Variants in PCDHGA6 observed in about 807,000 individuals in gnomAD.
PCDHGA6 encodes the protein protocadherin gamma-A6.
A neutral mutation model predicts 60.6 loss-of-function variants in PCDHGA6; 41 were observed. That is an observed-to-expected ratio of 0.68 (90% CI 0.53 to 0.88). PCDHGA6 has a LOEUF of 0.88. PCDHGA6 is among the 40% of genes least tolerant of loss of function. The pLI is 0.00. For missense variants in PCDHGA6, 1,312 were observed against 1,203.0 expected (o/e 1.09, Z -1.34); for synonymous variants, 594 against 524.4 (o/e 1.13, Z -1.81).
chr5:141,453,784 G>T (rs767312144), intron 1 of PCDHGA6, among the ~76,000 whole-genome samples: 47 of 152,298 alleles, frequency 3.1e-4, no homozygotes, highest in Non-Finnish European at 5.6e-4. Flanking sequence ...AGTTACCATG[G>T]TATATTAACT....
rs1342517284 is a variant in PCDHGA6 at position 141,383,674 on chromosome 5, A to G, written c.2424+7167A>G. ...TGTCCCCGAGAATGTGCCAGTGGGT[A>G]CAAGACTGCTCACGGTACATGCTAT... On this transcript the variant is annotated intron_variant, in intron 1 of 3. Coordinates refer to ENST00000517434, the MANE Select transcript of PCDHGA6 (RefSeq NM_018919.3). 9.3e-6 allele frequency: 15 copies of G among 1,614,034 alleles called. No individual in the cohort carries two copies. The East Asian group carries it at 3.3e-4, about 36-fold the overall frequency.
chr5:141,482,071 A>G (rs2099551527), intron 1 of PCDHGA6, among the ~76,000 whole-genome samples: 1 of 145,394 alleles, frequency 6.9e-6, no homozygotes, highest in Non-Finnish European at 1.5e-5. Flanking sequence ...GGCAACAAGA[A>G]CAAAACTCAC....
rs199936765 is a variant in PCDHGA6 at position 141,408,488 on chromosome 5, T to G, written c.2424+31981T>G. Reference sequence around the variant, plus strand: ...GAACCGAATAGACCGTGAGCAAATATGCAAAGAGAGAAGAAGATGTGAGTT... The same window carrying G: ...GAACCGAATAGACCGTGAGCAAATAGGCAAAGAGAGAAGAAGATGTGAGTT... On this transcript the variant is annotated intron_variant, in intron 1 of 3. Transcript: ENST00000517434. 8.1e-5 allele frequency: 130 copies of G among 1,614,012 alleles called. No individual in the cohort carries two copies. The Middle Eastern group carries it at 1.8e-3, about 23-fold the overall frequency.
chr5:141,435,642 T>C lies in PCDHGA6; in HGVS notation c.2424+59135T>C, dbSNP rs1326178929. On this transcript the variant is annotated intron_variant, in intron 1 of 3. Coordinates refer to ENST00000517434, the MANE Select transcript of PCDHGA6 (RefSeq NM_018919.3). ...CATAACTTTTACAACTATGGGAAAA[T>C]TTCTGAAACGTGCACAGATTCCAAG... Among the ~76,000 whole-genome samples the C allele has an allele frequency of 2.0e-5, 3 of 152,156 alleles. No individual in the cohort carries two copies. The East Asian group carries it at 5.8e-4, about 29-fold the overall frequency.
At chr5:141,414,221 C>A in intron 1 of PCDHGA6, 1 of 1,613,126 alleles carries the variant, frequency 6.2e-7, no homozygotes, top group Non-Finnish European at 8.5e-7. Flanking sequence ...GACAACAGTC[C>A]AGAGCTGACC....
In PCDHGA6 at chr5:141,486,487, C is replaced by T; in HGVS notation, c.2425-8320C>T. ...CTGGGAACCCTCCTCTCAGTACCCA[C>T]AGAACTATTTTCCTCAATATTTCAG... On this transcript the variant is annotated intron_variant, in intron 1 of 3. Coordinates refer to ENST00000517434, the MANE Select transcript of PCDHGA6 (RefSeq NM_018919.3). This position sits in a 1 kb window ranked among gnomAD's most constrained non-coding sequence, Gnocchi z 5.0. 1 of 1,614,086 alleles carries T rather than the reference C, an allele frequency of 6.2e-7. No individual in the cohort carries two copies. Among genetic ancestry groups the T allele is most frequent in the Non-Finnish European group, 8.5e-7 (1 of 1,179,918 alleles).
At chr5:141,410,847 G>GTTTTT (rs773839667) in intron 1 of PCDHGA6, 12 of 158,330 alleles carry the variant, frequency 7.6e-5, no homozygotes, top group African/African-American at 2.5e-4. Flanking sequence ...TTTTGTCTTT[G>GTTTTT]TCTTTTTTTT....
chr5:141,403,038 G>A, intron 1 of PCDHGA6: 1 of 1,614,088 alleles, frequency 6.2e-7, no homozygotes, highest in Non-Finnish European at 8.5e-7. Context: ...GCCAGGGCCA[G>A]TCAGATTCGC....
intron 1 of PCDHGA6, chr5:141,389,228 G>A (rs1172706843): frequency 2.5e-6 from 4 of 1,614,024 alleles, no homozygotes; most frequent in African/African-American, 2.7e-5. Context: ...ACAACGCTCC[G>A]GTTTTCTCAC....
chr5:141,415,747 T>TTTG, intron 1 of PCDHGA6: 1 of 797,602 alleles, frequency 1.3e-6, no homozygotes, highest in East Asian at 4.8e-5. Flanking sequence ...AAGGTTTTTT[T>TTTG]TTTTTTTTTT....
At chr5:141,474,888 G>T (rs1349812637) in intron 1 of PCDHGA6, among the ~76,000 whole-genome samples, 1 of 152,176 alleles carries the variant, frequency 6.6e-6, no homozygotes, top group Non-Finnish European at 1.5e-5. Context: ...ACTCTTAGAG[G>T]TTCATTTCTT....
chr5:141,393,712 A>G, intron 1 of PCDHGA6: 1 of 1,613,874 alleles, frequency 6.2e-7, no homozygotes, highest in Non-Finnish European at 8.5e-7. Flanking sequence ...AATACTGGGG[A>G]AATATCAATA....
chr5:141,397,172 G>C (rs1407642752), intron 1 of PCDHGA6, among the ~76,000 whole-genome samples: 3 of 152,128 alleles, frequency 2.0e-5, no homozygotes, highest in Non-Finnish European at 2.9e-5. Flanking sequence ...TAACTCTTAA[G>C]AATGAATTTA....
intron 1 of PCDHGA6, among the ~76,000 whole-genome samples, chr5:141,386,242 G>A (rs1359369432): frequency 1.3e-5 from 2 of 152,146 alleles, no homozygotes; most frequent in Non-Finnish European, 2.9e-5. Flanking sequence ...AATTCAGTTG[G>A]AAATAACCCA....
chr5:141,407,659 T>C (rs1443799600), intron 1 of PCDHGA6, among the ~76,000 whole-genome samples: 1 of 152,136 alleles, frequency 6.6e-6, no homozygotes, highest in East Asian at 1.9e-4. Flanking sequence ...GGGAGCGCAG[T>C]ATATATTAAA....
chr5:141,402,855 T>G, intron 1 of PCDHGA6: 1 of 1,425,070 alleles, frequency 7.0e-7, no homozygotes, highest in Non-Finnish European at 9.2e-7. Flanking sequence ...CTCTTTCTTC[T>G]AAGGAAAAGA....
chr5:141,427,694 A>T (rs758628764), intron 1 of PCDHGA6: 2 of 913,932 alleles, frequency 2.2e-6, no homozygotes, highest in Non-Finnish European at 3.5e-6. Context: ...CCTCCATCCC[A>T]CAAGTCAGCG....
At chr5:141,478,339 C>A in intron 1 of PCDHGA6, 1 of 1,613,918 alleles carries the variant, frequency 6.2e-7, no homozygotes, top group Admixed American at 1.7e-5. Flanking sequence ...CAGGGCCCTC[C>A]TTGCACGCGG....
rs753581561 is a variant in PCDHGA6, at chr5:141,485,195, T to G, written c.2425-9612T>G. 2.2e-5 allele frequency: 36 copies of G among 1,613,912 alleles called. No homozygotes were observed. Among genetic ancestry groups the G allele is most frequent in the Non-Finnish European group, 1.4e-5 (16 of 1,179,906 alleles). ...AGCAATGCTCCGCAAGGTGAGAAGC[T>G]GGACAGAAATCTGGCGGTGGGCTAC... is the stretch of plus-strand genomic sequence containing the variant. On this transcript the variant is annotated intron_variant, in intron 1 of 3. Transcript: ENST00000517434. The surrounding 1 kb of genome is among the most constrained non-coding windows in gnomAD (Gnocchi z 5.7).
Sources: gnomAD v4.1 joint callset for allele counts (sites outside exome capture counted in the v4.1 genomes callset) on GRCh38, gnomAD v4.1.1 for gene constraint, Gnocchi (gnomAD v3.1) non-coding constraint, MANE v1.5 for transcripts, NCBI Gene and HGNC (gene_info 2026-07-23, HGNC 2026-07-21) for gene names.